The following PKD2 variants were observed in gnomAD, a reference collection of about 807,000 sequenced individuals.
The protein encoded by PKD2 is polycystin 2, transient receptor potential cation channel, also known as polycystin-2.
PKD2 carries 48 observed loss-of-function variants against 105.9 expected under a neutral mutation model. That is an observed-to-expected ratio of 0.45 (90% CI 0.36 to 0.58). The LOEUF is 0.58. Ranked by LOEUF, PKD2 falls within the 20% of genes least tolerant of loss-of-function variation. The pLI is 0.00. For missense variants in PKD2, 1,078 were observed against 1,255.3 expected (o/e 0.86, Z 2.13); for synonymous variants, 464 against 481.1 (o/e 0.96, Z 0.46).
At chr4:88,045,061 T>A (rs1727716923) in intron 5 of PKD2, among the ~76,000 whole-genome samples, 1 of 152,252 alleles carries the variant, frequency 6.6e-6, no homozygotes, top group African/African-American at 2.4e-5. Context: ...AACTCTGATA[T>A]TTTAGTAAAT....
In PKD2 at chr4:88,038,825, T is replaced by A. The variant is rs7674673; in HGVS notation, c.1094+324T>A. Among the ~76,000 whole-genome samples the A allele has an allele frequency of 0.052, 7,963 of 152,256 alleles. 333 individuals are homozygous for A. Among genetic ancestry groups the A allele is most frequent in the African/African-American group, 0.11 (4,772 of 41,544 alleles). On this transcript the variant is annotated intron_variant, in intron 4 of 14. Transcript: ENST00000237596. ...CCCTGTTTTTACAGGTGCAGTAACATCATCCACTAAGTTATTTAACACAAG... is the reference window on the plus strand; with the variant it reads ...CCCTGTTTTTACAGGTGCAGTAACAACATCCACTAAGTTATTTAACACAAG...
chr4:88,071,165 C>T (rs1721022308), intron 13 of PKD2, among the ~76,000 whole-genome samples: 1 of 151,980 alleles, frequency 6.6e-6, no homozygotes, highest in Admixed American at 6.6e-5. Context: ...AAGCAATCCT[C>T]CCACCTCAGC....
At chr4:88,011,855 T>TCA (rs1025523946) in intron 1 of PKD2, among the ~76,000 whole-genome samples, 8 of 123,714 alleles carry the variant, frequency 6.5e-5, no homozygotes, top group Non-Finnish European at 1.1e-4. Context: ...TCTTATGTCA[T>TCA]CACGAGCAGA....
intron 5 of PKD2, among the ~76,000 whole-genome samples, chr4:88,045,548 T>A (rs1235050695): frequency 6.6e-6 from 1 of 152,216 alleles, no homozygotes; most frequent in Non-Finnish European, 1.5e-5. Context: ...CTAAAGGGCT[T>A]TTAAATGTCT....
chr4:88,024,457 GAAAAAAAAAAAAA>G (rs552942631), intron 2 of PKD2, among the ~76,000 whole-genome samples: 2 of 50,378 alleles, frequency 4.0e-5, no homozygotes, highest in African/African-American at 8.8e-5. Flanking sequence ...ACTCTGTCTC[GAAAAAAAAAAAAA>G]AAAAAAAAAA....
At chr4:88,021,023 A>G (rs1414277302) in intron 2 of PKD2, among the ~76,000 whole-genome samples, 1 of 152,234 alleles carries the variant, frequency 6.6e-6, no homozygotes, top group East Asian at 1.9e-4. Context: ...GTTAGAGTTT[A>G]GAAACTTGAG....
chr4:88,074,604 C>T (rs1234394261), intron 13 of PKD2, among the ~76,000 whole-genome samples: 7 of 152,148 alleles, frequency 4.6e-5, no homozygotes, highest in Non-Finnish European at 8.8e-5. Context: ...ACTTCTGATA[C>T]GCGCTGACTT....
intron 13 of PKD2, among the ~76,000 whole-genome samples, chr4:88,069,544 A>G (rs1278794597): frequency 1.3e-5 from 2 of 152,008 alleles, no homozygotes; most frequent in African/African-American, 2.4e-5. Flanking sequence ...AATCATTTCT[A>G]TTTAGCTTTT....
At chr4:88,022,306 C>G (rs1021045435) in intron 2 of PKD2, among the ~76,000 whole-genome samples, 2 of 152,186 alleles carry the variant, frequency 1.3e-5, no homozygotes, top group Non-Finnish European at 2.9e-5. Context: ...ACAGTATCAG[C>G]AGAGTTATTA....
chr4:88,070,024 T>C (rs1007499294), intron 13 of PKD2, among the ~76,000 whole-genome samples: 53 of 152,252 alleles, frequency 3.5e-4, no homozygotes, highest in African/African-American at 1.2e-3. Flanking sequence ...TGCCTTTTCA[T>C]GTGGATTCTG....
At chr4:88,055,824 A>C (rs1279160199) in intron 7 of PKD2, among the ~76,000 whole-genome samples, 2 of 152,024 alleles carry the variant, frequency 1.3e-5, no homozygotes, top group African/African-American at 4.8e-5. Flanking sequence ...ACTAACTCCC[A>C]ATTCCCCCAG....
intron 7 of PKD2, 90 bp from the exon 8 acceptor site, chr4:88,055,996 T>A: frequency 1.1e-6 from 1 of 902,008 alleles, no homozygotes; most frequent in Non-Finnish European, 1.8e-6. Flanking sequence ...CAGAATTTAA[T>A]TTCTTTTCAG....
chr4:88,036,414 T>G (rs1016223800), intron 3 of PKD2, 61 bp downstream of exon 3: 1 of 1,607,254 alleles, frequency 6.2e-7, no homozygotes, highest in African/African-American at 1.3e-5. Context: ...TTTGGCTTCA[T>G]CATTTCAATG....
intron 2 of PKD2, among the ~76,000 whole-genome samples, chr4:88,031,434 A>G (rs1029843143): frequency 6.6e-6 from 1 of 152,210 alleles, no homozygotes; most frequent in Non-Finnish European, 1.5e-5. Flanking sequence ...TGAGGATACC[A>G]TAAGTTATAC....
intron 4 of PKD2, among the ~76,000 whole-genome samples, chr4:88,041,480 A>G (rs991055527): frequency 1.3e-5 from 2 of 152,222 alleles, no homozygotes; most frequent in African/African-American, 4.8e-5. Flanking sequence ...AAGAAAAGGC[A>G]CATGGCAATA....
intron 9 of PKD2, among the ~76,000 whole-genome samples, chr4:88,058,708 T>G (rs776157663): frequency 2.0e-5 from 3 of 152,206 alleles, no homozygotes. Flanking sequence ...TAATTAAGTT[T>G]AAAACTAAAT....
chr4:88,039,581 C>T (rs535326190), intron 4 of PKD2, among the ~76,000 whole-genome samples: 21 of 149,906 alleles, frequency 1.4e-4, no homozygotes, highest in African/African-American at 5.2e-4. Context: ...AGGAGAATTG[C>T]TTGAGCCCGA....
At chr4:88,012,175 G>C (rs1402219587) in intron 1 of PKD2, among the ~76,000 whole-genome samples, 1 of 152,172 alleles carries the variant, frequency 6.6e-6, no homozygotes, top group Non-Finnish European at 1.5e-5. Context: ...CAGGCACTGT[G>C]TTAAACTCCT....
chr4:88,035,296 AGTTATAGG>A (rs1245726509), intron 2 of PKD2, among the ~76,000 whole-genome samples: 1 of 152,204 alleles, frequency 6.6e-6, no homozygotes, highest in Non-Finnish European at 1.5e-5. Context: ...ATGTAGTTCG[AGTTATAGG>A]GTTCCATTCA....
Sources: allele counts gnomAD v4.1 joint callset (sites outside exome capture counted in the v4.1 genomes callset), GRCh38; gene constraint gnomAD v4.1.1; transcripts MANE v1.5; gene names NCBI Gene and HGNC (gene_info 2026-07-23, HGNC 2026-07-21).